Variants in SNX3 observed in about 807,000 individuals in gnomAD.
The protein encoded by SNX3 is sorting nexin 3.
SNX3 carries 5 observed loss-of-function variants against 17.7 expected under a neutral mutation model. That is an observed-to-expected ratio of 0.28 (90% CI 0.15 to 0.59). SNX3 has a LOEUF of 0.59. Ranked by LOEUF, SNX3 falls within the 20% of genes least tolerant of loss-of-function variation. SNX3 has a pLI of 0.88. For synonymous variants in SNX3, 91 were observed against 76.5 expected, an observed-to-expected ratio of 1.19 and a Z score of -0.99; for missense variants, 132 against 206.8, an observed-to-expected ratio of 0.64 and a Z score of 2.22.
At chr6:108,241,703 C>T (rs1775529176) in intron 1 of SNX3, among the ~76,000 whole-genome samples, 1 of 152,136 alleles carries the variant, frequency 6.6e-6, no homozygotes, top group Non-Finnish European at 1.5e-5. Context: ...TAGCAACCAC[C>T]ACCTCCCCTT....
At chr6:108,212,296 A>T in intron 3 of SNX3, 42 bp from the exon 4 acceptor site, 1 of 1,334,084 alleles carries the variant, frequency 7.5e-7, no homozygotes, top group Non-Finnish European at 1.1e-6. Context: ...ATTTTATACA[A>T]GGTGGGGGAG....
chr6:108,219,153 C>T (rs149657073), intron 2 of SNX3, among the ~76,000 whole-genome samples: 2,719 of 150,128 alleles, frequency 0.018, 37 homozygotes, highest in Middle Eastern at 0.083. Context: ...AGATCGAGAC[C>T]GTCTTGCTAA....
At chr6:108,256,461 GCTT>G (rs1395007359) in intron 1 of SNX3, among the ~76,000 whole-genome samples, 2 of 152,310 alleles carry the variant, frequency 1.3e-5, no homozygotes, top group South Asian at 2.1e-4. Flanking sequence ...AATTTTGCGT[GCTT>G]ATTATGTGCC....
intron 1 of SNX3, among the ~76,000 whole-genome samples, chr6:108,236,190 T>C (rs1267254908): frequency 2.0e-5 from 3 of 151,910 alleles, no homozygotes; most frequent in Admixed American, 2.0e-4. Flanking sequence ...AATAGTCATA[T>C]GAAACAGTTT....
At chr6:108,226,833 T>C (rs922624836) in intron 1 of SNX3, among the ~76,000 whole-genome samples, 3 of 152,202 alleles carry the variant, frequency 2.0e-5, no homozygotes, top group Non-Finnish European at 1.5e-5. Context: ...ACAGATGCTA[T>C]TGGGCATAAC....
chr6:108,243,731 G>T (rs1383661721), intron 1 of SNX3, among the ~76,000 whole-genome samples: 1 of 152,120 alleles, frequency 6.6e-6, no homozygotes, highest in Non-Finnish European at 1.5e-5. Flanking sequence ...TCGAGAGTTT[G>T]AGACCAGCCT....
rs139747697 is a variant in SNX3 at position 108,227,163 on chromosome 6, A to G, written c.163-4118T>C. 2.6e-3 allele frequency among the ~76,000 whole-genome samples: 393 copies of G among 152,268 alleles called. 2 individuals are homozygous for G. Among genetic ancestry groups the G allele is most frequent in the African/African-American group, 9.1e-3 (380 of 41,548 alleles). On this transcript the variant is annotated intron_variant, in intron 1 of 3. Coordinates refer to ENST00000230085, the MANE Select transcript of SNX3 (RefSeq NM_003795.6). ...TAACCAAGTTCACCCTTCCGCATTAAAATATTAAGTCTTTGTAAATGCCTT... is the reference window on the plus strand; with the variant it reads ...TAACCAAGTTCACCCTTCCGCATTAGAATATTAAGTCTTTGTAAATGCCTT...
At chr6:108,226,280 C>T (rs1181071430) in intron 1 of SNX3, among the ~76,000 whole-genome samples, 1 of 152,026 alleles carries the variant, frequency 6.6e-6, no homozygotes, top group Non-Finnish European at 1.5e-5. Flanking sequence ...CACCATGTTG[C>T]TCAGGCTGGT....
chr6:108,212,882 CT>C (rs776376957), intron 3 of SNX3, among the ~76,000 whole-genome samples: 2,561 of 118,950 alleles, frequency 0.022, 32 homozygotes, highest in East Asian at 0.059. Flanking sequence ...TCCTAAGAAT[CT>C]TTTTTTTTTT....
chr6:108,257,349 T>C (rs1201057792), intron 1 of SNX3, among the ~76,000 whole-genome samples: 1 of 152,026 alleles, frequency 6.6e-6, no homozygotes, highest in East Asian at 1.9e-4. Context: ...GCAAGTCTCA[T>C]CTGACAAAAA....
chr6:108,224,523 G>A (rs562602765), intron 1 of SNX3, among the ~76,000 whole-genome samples: 1 of 152,148 alleles, frequency 6.6e-6, no homozygotes, highest in African/African-American at 2.4e-5. Context: ...CGCGTGATCT[G>A]CCCACCTTAG....
At chr6:108,224,037 CT>C (rs1198938390) in intron 1 of SNX3, among the ~76,000 whole-genome samples, 3 of 152,140 alleles carry the variant, frequency 2.0e-5, no homozygotes, top group Non-Finnish European at 4.4e-5. Flanking sequence ...TATACCTTAC[CT>C]TTTAATTTTT....
intron 1 of SNX3, among the ~76,000 whole-genome samples, chr6:108,232,719 G>A (rs948514752): frequency 1.3e-5 from 2 of 152,174 alleles, no homozygotes; most frequent in African/African-American, 4.8e-5. Flanking sequence ...AGATGTAAAT[G>A]GATGCCCCAC....
At chr6:108,219,681 A>G (rs1774696203) in intron 2 of SNX3, among the ~76,000 whole-genome samples, 1 of 152,236 alleles carries the variant, frequency 6.6e-6, no homozygotes, top group South Asian at 2.1e-4. Flanking sequence ...TTATTTCCTA[A>G]TAGACAAATA....
At chr6:108,221,605 G>T (rs1264784107) in intron 2 of SNX3, among the ~76,000 whole-genome samples, 1 of 143,702 alleles carries the variant, frequency 7.0e-6, no homozygotes, top group Non-Finnish European at 1.5e-5. Flanking sequence ...GAGTGCAGGG[G>T]CAAGACTACA....
At chr6:108,226,661 G>C (rs144471755) in intron 1 of SNX3, among the ~76,000 whole-genome samples, 238 of 152,254 alleles carry the variant, frequency 1.6e-3, no homozygotes, top group East Asian at 3.9e-3. Flanking sequence ...TCCTAAGAAA[G>C]TTCTACTTAT....
At chr6:108,214,091 G>C (rs564094293) in intron 3 of SNX3, among the ~76,000 whole-genome samples, 1 of 152,174 alleles carries the variant, frequency 6.6e-6, no homozygotes, top group South Asian at 2.1e-4. Context: ...TTAAAAACAT[G>C]CACCTTTATA....
At chr6:108,215,776 A>T (rs933070989) in intron 2 of SNX3, among the ~76,000 whole-genome samples, 1 of 152,050 alleles carries the variant, frequency 6.6e-6, no homozygotes, top group Non-Finnish European at 1.5e-5. Context: ...ACAAAAATAA[A>T]AAAAACTTAG....
chr6:108,223,497 C>CTTTTTTTTTTTTTTTTTT (rs59920022), intron 1 of SNX3, among the ~76,000 whole-genome samples: 3 of 110,368 alleles, frequency 2.7e-5, no homozygotes, highest in African/African-American at 1.3e-4. Flanking sequence ...TTTGCTAGTT[C>CTTTTTTTTTTTTTTTTTT]TTTTTTTTTT....
Sources: allele counts gnomAD v4.1 joint callset (sites outside exome capture counted in the v4.1 genomes callset), GRCh38; gene constraint gnomAD v4.1.1; transcripts MANE v1.5; gene names NCBI Gene and HGNC (gene_info 2026-07-23, HGNC 2026-07-21).